The following DIAPH1 variants were observed in gnomAD, a reference collection of about 807,000 sequenced individuals.
DIAPH1 encodes the protein protein diaphanous homolog 1.
Under a neutral mutation model 140.7 loss-of-function variants are expected in DIAPH1, and 46 were observed. That is an observed-to-expected ratio of 0.33 (90% CI 0.26 to 0.42). The LOEUF is 0.42. Ranked by LOEUF, DIAPH1 falls within the 10% of genes least tolerant of loss-of-function variation. The probability of loss-of-function intolerance (pLI) is 1.00; values close to 1 mark genes in which losing one functional copy is unlikely to be tolerated. For missense variants in DIAPH1, 1,310 were observed against 1,558.7 expected (o/e 0.84, Z 2.69); for synonymous variants, 565 against 551.6 (o/e 1.02, Z -0.34).
intron 1 of DIAPH1, among the ~76,000 whole-genome samples, chr5:141,610,541 C>T (rs10063055): frequency 0.22 from 33,304 of 151,782 alleles, 3,857 homozygotes; most frequent in Admixed American, 0.32. Context: ...TCTCGTGATC[C>T]GCCCACCCTG....
intron 1 of DIAPH1, among the ~76,000 whole-genome samples, chr5:141,613,410 G>A (rs2099902148): frequency 6.6e-6 from 1 of 152,074 alleles, no homozygotes; most frequent in Admixed American, 6.6e-5. Flanking sequence ...CCATTCCCAA[G>A]ATCCTAAAAT....
chr5:141,592,516 A>G (rs2099898667), intron 1 of DIAPH1, among the ~76,000 whole-genome samples: 1 of 137,456 alleles, frequency 7.3e-6, no homozygotes, highest in Non-Finnish European at 1.6e-5. Context: ...AACAACAACA[A>G]CAACAAAAAC....
chr5:141,613,405 C>A (rs540910178), intron 1 of DIAPH1, among the ~76,000 whole-genome samples: 1 of 152,248 alleles, frequency 6.6e-6, no homozygotes, highest in Admixed American at 6.5e-5. Context: ...TCCAGCCATT[C>A]CCAAGATCCT....
chr5:141,528,611 C>A, intron 22 of DIAPH1, 29 bp from the exon 23 acceptor site: 1 of 1,614,218 alleles, frequency 6.2e-7, no homozygotes, highest in African/African-American at 1.3e-5. Context: ...ACTGTTAAAT[C>A]CTGACATGTC....
chr5:141,526,517 T>G, intron 24 of DIAPH1, 56 bp from the exon 25 acceptor site: 7 of 1,602,962 alleles, frequency 4.4e-6, no homozygotes, highest in Non-Finnish European at 6.0e-6. Context: ...CCCACTTCTC[T>G]AGCCCAAGGA....
At chr5:141,612,049 G>A (rs980425774) in intron 1 of DIAPH1, among the ~76,000 whole-genome samples, 5 of 151,990 alleles carry the variant, frequency 3.3e-5, no homozygotes, top group Non-Finnish European at 7.4e-5. Context: ...CCTGAGCGAC[G>A]AGAGTGAAAC....
intron 18 of DIAPH1, among the ~76,000 whole-genome samples, chr5:141,554,345 T>C (rs1232196857): frequency 6.6e-6 from 1 of 152,126 alleles, no homozygotes; most frequent in East Asian, 1.9e-4. Context: ...ATAAAATTGA[T>C]AAATTTCTAG....
intron 18 of DIAPH1, among the ~76,000 whole-genome samples, chr5:141,548,733 G>A (rs2099891210): frequency 6.6e-6 from 1 of 152,144 alleles, no homozygotes; most frequent in African/African-American, 2.4e-5. Flanking sequence ...CTAAGCCCGA[G>A]GAGGCTGAGG....
chr5:141,524,083 C>T, intron 27 of DIAPH1, 60 bp downstream of exon 27: 1 of 1,410,572 alleles, frequency 7.1e-7, no homozygotes, highest in Non-Finnish European at 1.0e-6. Context: ...CGCAGACTGG[C>T]AGGAGTAGAG....
chr5:141,547,689 T>C (rs1262494081), intron 18 of DIAPH1, among the ~76,000 whole-genome samples: 1 of 152,074 alleles, frequency 6.6e-6, no homozygotes, highest in African/African-American at 2.4e-5. Context: ...AAAAGGCCAA[T>C]GGTCCAACAT....
At chr5:141,519,632 C>A (rs1169559503) in intron 27 of DIAPH1, among the ~76,000 whole-genome samples, 2 of 152,176 alleles carry the variant, frequency 1.3e-5, no homozygotes, top group African/African-American at 4.8e-5. Flanking sequence ...TTACAAACTT[C>A]ATAAGAACCA....
At chr5:141,519,144 G>T in intron 27 of DIAPH1, 1 of 759,958 alleles carries the variant, frequency 1.3e-6, no homozygotes, top group Non-Finnish European at 2.3e-6. Context: ...CCGTGACTGA[G>T]ACAAGTGAGG....
chr5:141,560,732 C>T (rs1413644490), intron 18 of DIAPH1: 1 of 394,474 alleles, frequency 2.5e-6, no homozygotes, highest in Non-Finnish European at 5.1e-6. Flanking sequence ...AACCATTCTC[C>T]ATAACAAAGG....
rs1009407966 is a variant in DIAPH1, at chr5:141,574,028, G to GAGC, written c.1821_1822insGCT (p.Thr607_Pro608insAla). On this transcript the variant is annotated inframe_insertion, in exon 16 of 28. Coordinates refer to ENST00000389054, the MANE Select transcript of DIAPH1 (RefSeq NM_005219.5). ...GGAGGAGGAGGAGGAGGAGGAGGAG[G>GAGC]AGTGGTACTATCCCCAGGAGCAGGT... 1 of 1,569,980 alleles carries GAGC rather than the reference G, an allele frequency of 6.4e-7. No individual in the cohort carries two copies. Among genetic ancestry groups the GAGC allele is most frequent in the African/African-American group, 1.4e-5 (1 of 73,792 alleles).
chr5:141,576,370 G>T (rs1596381940), intron 13 of DIAPH1, 76 bp from the exon 14 acceptor site: 2 of 1,130,600 alleles, frequency 1.8e-6, no homozygotes, highest in East Asian at 2.3e-5. Flanking sequence ...CCCTTCCAAA[G>T]AACAGTCTTT....
At chr5:141,517,400 TTTG>T (rs2099885853) in intron 27 of DIAPH1, among the ~76,000 whole-genome samples, 1 of 152,204 alleles carries the variant, frequency 6.6e-6, no homozygotes, top group Non-Finnish European at 1.5e-5. Flanking sequence ...TAGTATTATT[TTTG>T]TTTTCTTGAC....
Position 141,561,039 on chromosome 5 carries a change from C to T in DIAPH1, c.2482+10389G>A, listed in dbSNP as rs369658442. ...AGTCTCTGACCTCACAATCTGGAAC[C>T]TGAGCCAAAATAGCTCAACTGCGCG... On this transcript the variant is annotated intron_variant, in intron 18 of 27. Coordinates refer to ENST00000389054, the MANE Select transcript of DIAPH1 (RefSeq NM_005219.5). 25 of 421,520 alleles carry T rather than the reference C, an allele frequency of 5.9e-5. 1 individual carries two copies. In the Admixed American group the frequency reaches 6.6e-4, roughly 11 times the overall value. 26.1% of individuals were successfully genotyped at this position (421,520 alleles called of 1,614,324 possible). A position where few individuals can be genotyped will look rare whatever the true frequency, so the allele number is the denominator to read the frequency against.
chr5:141,525,057 T>C (rs577480523), intron 26 of DIAPH1, among the ~76,000 whole-genome samples: 208 of 152,254 alleles, frequency 1.4e-3, no homozygotes, highest in African/African-American at 4.8e-3. Context: ...CACTGCATCC[T>C]AGCCAGTACC....
chr5:141,528,556 C>G lies in DIAPH1; in HGVS notation c.3045G>C (p.Gln1015His). The G allele has an allele frequency of 6.2e-7, 1 of 1,614,190 alleles. No individual in the cohort carries two copies. The highest frequency in any genetic ancestry group is 8.5e-7 in the Non-Finnish European group (1 of 1,180,036). The change falls in exon 23 of 28, where the codon CAG (glutamine) becomes CAC (histidine). Residue 1015 changes from glutamine (Q) to histidine (H), a missense_variant. Gln to His is a conservative substitution (Grantham distance 24). This residue lies in a region of DIAPH1 where 344 missense variants were observed against 512.2 expected (regional missense o/e 0.67). Transcript: ENST00000389054. ...CKLRDTKSTD[Q>H]KMTLLHFLAE... ...CCAAGAAGTGTAACAACGTCATCTT[C>G]TGATCTGTGGACTTGGTGTCTCGAA...
Sources: allele counts gnomAD v4.1 joint callset (sites outside exome capture counted in the v4.1 genomes callset), GRCh38; gene constraint gnomAD v4.1.1; regional missense constraint gnomAD v4.1.1; transcripts MANE v1.5; gene names NCBI Gene and HGNC (gene_info 2026-07-23, HGNC 2026-07-21).